GPC6: variants seen among roughly 807,000 people sequenced by gnomAD.
GPC6 encodes the protein glypican 6.
Under a neutral mutation model 55.2 loss-of-function variants are expected in GPC6, and 14 were observed. The ratio of observed to expected loss-of-function variants is 0.25; its 90% CI spans 0.17 to 0.40. GPC6 has a LOEUF of 0.40. GPC6 is among the 10% of genes least tolerant of loss of function. The pLI is 1.00. For missense variants in GPC6, 641 were observed against 708.5 expected (o/e 0.90, Z 1.08); for synonymous variants, 278 against 259.6 (o/e 1.07, Z -0.68).
intron 7 of GPC6, among the ~76,000 whole-genome samples, chr13:94,390,842 G>A (rs1227254845): frequency 1.3e-5 from 2 of 151,656 alleles, no homozygotes; most frequent in African/African-American, 4.9e-5. Flanking sequence ...CTTCCTGACT[G>A]TCCTGGCAGG....
intron 1 of GPC6, among the ~76,000 whole-genome samples, chr13:93,301,795 T>A (rs182280074): frequency 1.2e-4 from 18 of 152,262 alleles, no homozygotes; most frequent in Admixed American, 5.2e-4. Flanking sequence ...ATGCCTTGAC[T>A]AGTGGACGGT....
At chr13:93,923,177 T>C (rs146221938) in intron 3 of GPC6, among the ~76,000 whole-genome samples, 2,430 of 152,332 alleles carry the variant, frequency 0.016, 76 homozygotes, top group African/African-American at 0.055. Flanking sequence ...CATTTTGCCT[T>C]TATGCAAACA....
At chr13:93,663,786 C>A (rs1566475321) in intron 2 of GPC6, among the ~76,000 whole-genome samples, 1 of 152,082 alleles carries the variant, frequency 6.6e-6, no homozygotes, top group Non-Finnish European at 1.5e-5. Flanking sequence ...ATAGAATCAT[C>A]CACTAATAGC....
chr13:93,574,748 C>G (rs1292697908), intron 2 of GPC6, among the ~76,000 whole-genome samples: 1 of 152,110 alleles, frequency 6.6e-6, no homozygotes, highest in African/African-American at 2.4e-5. Flanking sequence ...CACTGCTATC[C>G]CCACACATCA....
chr13:93,413,470 A>G (rs1274013470), intron 1 of GPC6, among the ~76,000 whole-genome samples: 1 of 152,132 alleles, frequency 6.6e-6, no homozygotes, highest in Non-Finnish European at 1.5e-5. Flanking sequence ...TACTGGATAT[A>G]TAAACTTAGG....
chr13:93,468,532 T>C (rs1185728533), intron 1 of GPC6, among the ~76,000 whole-genome samples: 2 of 144,986 alleles, frequency 1.4e-5, no homozygotes, highest in African/African-American at 5.0e-5. Context: ...TAAAAAATAT[T>C]TTTAAGAGTT....
At chr13:93,720,778 T>C (rs1426756642) in intron 2 of GPC6, among the ~76,000 whole-genome samples, 1 of 152,084 alleles carries the variant, frequency 6.6e-6, no homozygotes, top group East Asian at 1.9e-4. Context: ...TTTGTTCTCA[T>C]TGGTTTCAAA....
chr13:93,662,542 A>G (rs2139614863), intron 2 of GPC6, among the ~76,000 whole-genome samples: 1 of 152,224 alleles, frequency 6.6e-6, no homozygotes, highest in Admixed American at 6.5e-5. Context: ...AGGCAGGAGA[A>G]TCGTTTGAAC....
intron 4 of GPC6, among the ~76,000 whole-genome samples, chr13:94,093,849 T>C (rs568381416): frequency 8.5e-5 from 13 of 152,086 alleles, no homozygotes; most frequent in Non-Finnish European, 1.8e-4. Flanking sequence ...CATCTAATCC[T>C]AGGGAGAGCT....
At chr13:94,264,198 G>A (rs1891728463) in intron 4 of GPC6, among the ~76,000 whole-genome samples, 1 of 152,162 alleles carries the variant, frequency 6.6e-6, no homozygotes, top group South Asian at 2.1e-4. Context: ...TAACATGTTA[G>A]GCAAAACCAA....
At chr13:93,435,854 AC>A (rs1354235161) in intron 1 of GPC6, among the ~76,000 whole-genome samples, 3 of 152,292 alleles carry the variant, frequency 2.0e-5, no homozygotes, top group African/African-American at 7.2e-5. Flanking sequence ...TGGATTGCTG[AC>A]ACCAGCAAAT....
At chr13:94,093,622 T>C (rs1388022024) in intron 4 of GPC6, among the ~76,000 whole-genome samples, 1 of 152,164 alleles carries the variant, frequency 6.6e-6, no homozygotes, top group East Asian at 1.9e-4. Flanking sequence ...GATTGTCTTT[T>C]CTATTTCTGT....
At chr13:93,538,213 C>G (rs1214394533) in intron 1 of GPC6, among the ~76,000 whole-genome samples, 2 of 152,090 alleles carry the variant, frequency 1.3e-5, no homozygotes, top group Non-Finnish European at 2.9e-5. Flanking sequence ...TGTCTAGATA[C>G]TTAACTTTTT....
Position 94,271,951 on chromosome 13 carries a change from T to C in GPC6, c.878-14398T>C, listed in dbSNP as rs566325577. Among the ~76,000 whole-genome samples the C allele has an allele frequency of 3.9e-5, 6 of 152,300 alleles. No individual in the cohort carries two copies. The South Asian group carries it at 6.2e-4, about 16-fold the overall frequency. The stretch of plus-strand genomic sequence containing the variant: ...TCACTTCCTAAAATGAGTTTTTTCA[T>C]TTTTTTAAAACAATCCACCTTTTTC... On this transcript the variant is annotated intron_variant, in intron 4 of 8. Coordinates refer to ENST00000377047, the MANE Select transcript of GPC6 (RefSeq NM_005708.5).
intron 2 of GPC6, among the ~76,000 whole-genome samples, chr13:93,559,662 C>A (rs1029659673): frequency 2.0e-5 from 3 of 152,104 alleles, no homozygotes; most frequent in African/African-American, 7.2e-5. Flanking sequence ...ATTTATACAG[C>A]GTTTATTAAG....
intron 1 of GPC6, among the ~76,000 whole-genome samples, chr13:93,375,495 C>G (rs187733632): frequency 1.3e-5 from 2 of 152,330 alleles, no homozygotes; most frequent in East Asian, 3.9e-4. Flanking sequence ...CTCCCCAACT[C>G]CCCACTGATA....
chr13:93,759,201 C>T (rs569342269), intron 2 of GPC6, among the ~76,000 whole-genome samples: 1 of 152,266 alleles, frequency 6.6e-6, no homozygotes, highest in African/African-American at 2.4e-5. Context: ...CTGGCTACAT[C>T]ATAATATGTT....
At chr13:94,315,256 T>C (rs1876462650) in intron 6 of GPC6, among the ~76,000 whole-genome samples, 1 of 152,216 alleles carries the variant, frequency 6.6e-6, no homozygotes, top group South Asian at 2.1e-4. Context: ...CTATGCTGTA[T>C]TGATCCAGAT....
At chr13:93,327,758 A>C (rs944142562) in intron 1 of GPC6, among the ~76,000 whole-genome samples, 1 of 147,018 alleles carries the variant, frequency 6.8e-6, no homozygotes, top group Non-Finnish European at 1.5e-5. Flanking sequence ...AAAATTATAT[A>C]TAATATATAT....
Sources: allele counts gnomAD v4.1 joint callset (sites outside exome capture counted in the v4.1 genomes callset), GRCh38; gene constraint gnomAD v4.1.1; transcripts MANE v1.5; gene names NCBI Gene and HGNC (gene_info 2026-07-23, HGNC 2026-07-21).